The following C2orf78 variants were observed in gnomAD, a reference collection of about 807,000 sequenced individuals.
The protein encoded by C2orf78 is chromosome 2 open reading frame 78, also known as uncharacterized protein C2orf78.
A neutral mutation model predicts 21.4 loss-of-function variants in C2orf78; 12 were observed. That is an observed-to-expected ratio of 0.56 (90% CI 0.36 to 0.91). The LOEUF is 0.91. Among genes scored for constraint, C2orf78 ranks in the 40% least tolerant of loss-of-function variants. The probability of loss-of-function intolerance (pLI) is 0.01; values close to 1 mark genes in which losing one functional copy is unlikely to be tolerated. For missense variants in C2orf78, 1,042 were observed against 1,092.4 expected (o/e 0.95, Z 0.65); for synonymous variants, 396 against 413.9 (o/e 0.96, Z 0.52).
intron 1 of C2orf78, among the ~76,000 whole-genome samples, chr2:73,792,552 G>T (rs1338131572): frequency 7.5e-6 from 1 of 133,758 alleles, no homozygotes; most frequent in Non-Finnish European, 1.6e-5. Flanking sequence ...GTTTGTCACA[G>T]AAACCAAAAA....
chr2:73,810,593 T>A (rs1354457277), intron 1 of C2orf78, among the ~76,000 whole-genome samples: 2 of 139,892 alleles, frequency 1.4e-5, no homozygotes, highest in African/African-American at 5.3e-5. Context: ...ATTATATATA[T>A]ACATAAAATA....
At chr2:73,815,361 A>G in exon 3 of C2orf78, 1 of 1,614,000 alleles carries the variant, frequency 6.2e-7, no homozygotes, top group South Asian at 1.1e-5. Flanking sequence ...CCAGATCCTA[A>G]TAGGAAATCA....
At chr2:73,815,780 G>C (rs540212720) in exon 3 of C2orf78, 1 of 1,613,762 alleles carries the variant, frequency 6.2e-7, no homozygotes, top group African/African-American at 1.3e-5. Flanking sequence ...CCAAAATCCA[G>C]CCAAAGAACC....
chr2:73,807,861 G>C lies in C2orf78; in HGVS notation c.98-5616G>C, dbSNP rs1359722118. 3.3e-5 allele frequency among the ~76,000 whole-genome samples: 5 copies of C among 149,600 alleles called. No homozygotes were observed. In the East Asian group the frequency reaches 9.7e-4, roughly 29 times the overall value. The stretch of plus-strand genomic sequence containing the variant: ...AATTCAAGGAGAAGAAACTAAAAGA[G>C]AAGAGCCTTGGACCACATCATTTCC... On this transcript the variant is annotated intron_variant, in intron 1 of 2. Coordinates refer to ENST00000409561, the Ensembl canonical transcript of C2orf78.
chr2:73,816,062 G>T (rs755999588), exon 3 of C2orf78: 1 of 1,613,768 alleles, frequency 6.2e-7, no homozygotes, highest in African/African-American at 1.3e-5. Context: ...ATCAACCTGA[G>T]CTTAGCCAAA....
chr2:73,809,779 G>A (rs1673036913), intron 1 of C2orf78, among the ~76,000 whole-genome samples: 1 of 152,136 alleles, frequency 6.6e-6, no homozygotes, highest in Non-Finnish European at 1.5e-5. Context: ...GTGAGACCCT[G>A]TCACAAAGAA....
chr2:73,813,026 C>T (rs905571881), intron 1 of C2orf78, among the ~76,000 whole-genome samples: 2 of 152,164 alleles, frequency 1.3e-5, no homozygotes, highest in Non-Finnish European at 2.9e-5. Flanking sequence ...GTTCTGTAAC[C>T]TGGTAATGAT....
At chr2:73,809,729 A>T (rs1192071955) in intron 1 of C2orf78, among the ~76,000 whole-genome samples, 1 of 152,202 alleles carries the variant, frequency 6.6e-6, no homozygotes, top group Non-Finnish European at 1.5e-5. Flanking sequence ...GGCTGCAGTG[A>T]GTCAGGTTCA....
At chr2:73,816,173 C>T in exon 3 of C2orf78, 1 of 1,613,950 alleles carries the variant, frequency 6.2e-7, no homozygotes, top group Non-Finnish European at 8.5e-7. Flanking sequence ...AAACTGGATT[C>T]TCTTCCTCCA....
exon 3 of C2orf78, chr2:73,816,852 C>T (rs758443703): frequency 1.2e-6 from 2 of 1,613,964 alleles, no homozygotes; most frequent in East Asian, 2.2e-5. Flanking sequence ...AGAGCAGAGG[C>T]CAGAGCGTGA....
At chr2:73,809,395 C>T (rs573434299) in intron 1 of C2orf78, among the ~76,000 whole-genome samples, 61 of 151,990 alleles carry the variant, frequency 4.0e-4, no homozygotes, top group Non-Finnish European at 6.8e-4. Context: ...CGGTGGCTCA[C>T]ACCTGTAATC....
intron 1 of C2orf78, among the ~76,000 whole-genome samples, chr2:73,813,009 A>C (rs1168616138): frequency 6.6e-6 from 1 of 152,208 alleles, no homozygotes; most frequent in Admixed American, 6.5e-5. Flanking sequence ...CCTGGCAAGG[A>C]AGTCAGGTTC....
intron 2 of C2orf78, among the ~76,000 whole-genome samples, chr2:73,814,575 T>C (rs1398297734): frequency 6.6e-6 from 1 of 152,214 alleles, no homozygotes; most frequent in Non-Finnish European, 1.5e-5. Flanking sequence ...AGAACTCTTA[T>C]TTTGGCGGTG....
exon 3 of C2orf78, chr2:73,816,972 T>A: frequency 6.2e-7 from 1 of 1,609,568 alleles, no homozygotes; most frequent in Non-Finnish European, 8.5e-7. Flanking sequence ...AATTGCTGAA[T>A]ACTATGGCTA....
intron 1 of C2orf78, among the ~76,000 whole-genome samples, chr2:73,809,111 T>C (rs1372325811): frequency 6.6e-6 from 1 of 152,206 alleles, no homozygotes; most frequent in East Asian, 1.9e-4. Flanking sequence ...TGTTTCCTCA[T>C]CTATTACACT....
chr2:73,785,920 C>A (rs555078186), intron 1 of C2orf78, among the ~76,000 whole-genome samples: 9 of 151,942 alleles, frequency 5.9e-5, no homozygotes, highest in Admixed American at 5.2e-4. Context: ...GTGGCACATG[C>A]GTGTAATCCC....
At chr2:73,815,163 T>G (rs1328619189) in exon 3 of C2orf78, 2 of 1,613,818 alleles carry the variant, frequency 1.2e-6, no homozygotes, top group South Asian at 2.2e-5. Context: ...ATTCTCCAAG[T>G]CCTTCAGTAG....
intron 1 of C2orf78, among the ~76,000 whole-genome samples, chr2:73,807,089 G>A (rs1402701969): frequency 1.4e-5 from 2 of 143,468 alleles, no homozygotes; most frequent in Non-Finnish European, 3.0e-5. Context: ...ACTAAGGCAC[G>A]AGAATGGTGT....
At chr2:73,784,809 C>T (rs1341442667) in intron 1 of C2orf78, among the ~76,000 whole-genome samples, 53 of 150,936 alleles carry the variant, frequency 3.5e-4, no homozygotes, top group African/African-American at 8.4e-4. Context: ...TGTGTAATAG[C>T]CTCCCTCCAC....
Sources: gnomAD v4.1 joint callset for allele counts (sites outside exome capture counted in the v4.1 genomes callset) on GRCh38, gnomAD v4.1.1 for gene constraint, MANE v1.5 for transcripts, NCBI Gene and HGNC (gene_info 2026-07-23, HGNC 2026-07-21) for gene names.